The following MALRD1 variants were observed in gnomAD, a reference collection of about 807,000 sequenced individuals.
MALRD1 encodes the protein MAM and LDL receptor class A domain containing 1, also known as MAM and LDL-receptor class A domain-containing protein 1.
Under a neutral mutation model 242.1 loss-of-function variants are expected in MALRD1, and 247 were observed. The observed-to-expected ratio is 1.02, with a 90% CI of 0.92 to 1.13. The LOEUF is 1.13. MALRD1 is among the 50% of genes most tolerant of loss of function. The probability of loss-of-function intolerance (pLI) is 0.00; values close to 1 mark genes in which losing one functional copy is unlikely to be tolerated. For synonymous variants in MALRD1, 995 were observed against 866.6 expected (o/e 1.15, Z -2.60); for missense variants, 2,989 against 2,533.1 (o/e 1.18, Z -3.86).
intron 24 of MALRD1, among the ~76,000 whole-genome samples, chr10:19,335,885 A>G (rs1182219987): frequency 2.0e-5 from 3 of 152,188 alleles, no homozygotes; most frequent in African/African-American, 4.8e-5. Flanking sequence ...TACACGTGCC[A>G]TGGTGGTTTG....
At chr10:19,551,073 G>A (rs2131405939) in intron 32 of MALRD1, among the ~76,000 whole-genome samples, 1 of 152,124 alleles carries the variant, frequency 6.6e-6, no homozygotes, top group Middle Eastern at 3.4e-3. Context: ...CACTGATTGA[G>A]CTTCTTTTTC....
At chr10:19,652,760 A>G (rs1840955179) in intron 36 of MALRD1, among the ~76,000 whole-genome samples, 1 of 152,184 alleles carries the variant, frequency 6.6e-6, no homozygotes, top group Non-Finnish European at 1.5e-5. Context: ...AGGGTTAGAG[A>G]TTGTTCCCAT....
intron 19 of MALRD1, among the ~76,000 whole-genome samples, chr10:19,277,017 T>G (rs1840563169): frequency 6.6e-6 from 1 of 152,112 alleles, no homozygotes; most frequent in African/African-American, 2.4e-5. Context: ...CCTCCCCAAC[T>G]CAAGTGATTT....
chr10:19,717,585 G>A (rs80091211), intron 38 of MALRD1, among the ~76,000 whole-genome samples: 2,603 of 152,266 alleles, frequency 0.017, 85 homozygotes, highest in African/African-American at 0.06. Context: ...TTTTACCCAT[G>A]TGTTTTATTA....
intron 20 of MALRD1, among the ~76,000 whole-genome samples, chr10:19,280,641 A>G (rs1840757776): frequency 6.6e-6 from 1 of 152,226 alleles, no homozygotes; most frequent in African/African-American, 2.4e-5. Flanking sequence ...CATTAGTACT[A>G]TTAAAATATG....
chr10:19,446,503 A>G (rs1435102875), intron 28 of MALRD1, among the ~76,000 whole-genome samples: 1 of 152,234 alleles, frequency 6.6e-6, no homozygotes, highest in Non-Finnish European at 1.5e-5. Flanking sequence ...TATGAAATGG[A>G]ACTTCCAAGG....
At chr10:19,133,828 G>T in intron 8 of MALRD1, 28 bp from the exon 9 acceptor site, 1 of 1,037,808 alleles carries the variant, frequency 9.6e-7, no homozygotes, top group South Asian at 4.9e-5. Context: ...TACGGGTAAT[G>T]AGTGATGTCT....
chr10:19,380,680 T>C (rs1267931832), intron 26 of MALRD1, among the ~76,000 whole-genome samples: 3 of 152,160 alleles, frequency 2.0e-5, no homozygotes, highest in African/African-American at 7.2e-5. Context: ...TTGAACATTA[T>C]ATAGAATTTA....
At chr10:19,473,942 G>A (rs1328290558) in intron 29 of MALRD1, among the ~76,000 whole-genome samples, 2 of 152,072 alleles carry the variant, frequency 1.3e-5, no homozygotes, top group Non-Finnish European at 2.9e-5. Flanking sequence ...CCCACCAAAA[G>A]TACACGAGGG....
intron 31 of MALRD1, among the ~76,000 whole-genome samples, chr10:19,518,918 T>A (rs1833757545): frequency 6.6e-6 from 1 of 152,196 alleles, no homozygotes; most frequent in African/African-American, 2.4e-5. Flanking sequence ...TTGCTTTAGA[T>A]GTTTTGCTTT....
rs183717915 is a variant in MALRD1 at position 19,572,782 on chromosome 10, G to C, written c.5680+5079G>C. 7.7e-3 allele frequency among the ~76,000 whole-genome samples: 1,168 copies of C among 152,182 alleles called. 10 individuals carry two copies. Among genetic ancestry groups the C allele is most frequent in the Non-Finnish European group, 9.0e-3 (612 of 68,002 alleles). On this transcript the variant is annotated intron_variant, in intron 33 of 39. Coordinates refer to ENST00000454679, the MANE Select transcript of MALRD1 (RefSeq NM_001142308.3). ...ACACAGAGAGTACCATGTAATGAAG[G>C]GGGCAGAGATTGGAGTAACTCATCT...
intron 26 of MALRD1, among the ~76,000 whole-genome samples, chr10:19,364,553 T>TA (rs1409659224): frequency 2.1e-4 from 32 of 152,138 alleles, no homozygotes; most frequent in African/African-American, 7.5e-4. Flanking sequence ...GTTATCAAGC[T>TA]AAAACTAAAC....
intron 32 of MALRD1, among the ~76,000 whole-genome samples, chr10:19,535,115 A>T (rs1237629310): frequency 6.6e-6 from 1 of 151,998 alleles, no homozygotes; most frequent in Non-Finnish European, 1.5e-5. Context: ...TAATCTCCTG[A>T]CCTAGTGATT....
intron 33 of MALRD1, 49 bp from the exon 34 acceptor site, chr10:19,595,145 G>A: frequency 6.6e-7 from 1 of 1,505,344 alleles, no homozygotes; most frequent in African/African-American, 1.4e-5. Flanking sequence ...ACACTGGATG[G>A]AGGGAAACTC....
chr10:19,192,395 G>T (rs1045725268), intron 14 of MALRD1, among the ~76,000 whole-genome samples: 6 of 152,156 alleles, frequency 3.9e-5, no homozygotes, highest in African/African-American at 7.2e-5. Flanking sequence ...AAGCAAATAA[G>T]AAGAGGGCTT....
intron 14 of MALRD1, among the ~76,000 whole-genome samples, chr10:19,177,504 A>G (rs12573164): frequency 0.3 from 45,721 of 151,876 alleles, 7,205 homozygotes; most frequent in Admixed American, 0.37. Flanking sequence ...CCCATCATAA[A>G]GGTCACAGCT....
At chr10:19,504,228 C>T (rs545587152) in intron 31 of MALRD1, among the ~76,000 whole-genome samples, 31 of 152,194 alleles carry the variant, frequency 2.0e-4, no homozygotes, top group African/African-American at 6.0e-4. Flanking sequence ...TTTCTCAACC[C>T]GTAAAATGAG....
At chr10:19,396,293 C>A (rs1046348344) in intron 28 of MALRD1, among the ~76,000 whole-genome samples, 1 of 151,844 alleles carries the variant, frequency 6.6e-6, no homozygotes, top group Non-Finnish European at 1.5e-5. Context: ...CACGCCACCA[C>A]GCCTGGCTAA....
intron 32 of MALRD1, among the ~76,000 whole-genome samples, chr10:19,562,494 T>C (rs747422700): frequency 9.2e-5 from 14 of 152,146 alleles, no homozygotes; most frequent in Non-Finnish European, 1.8e-4. Context: ...CCTCCAGCAG[T>C]TGATCAATTA....
Sources: allele counts gnomAD v4.1 joint callset (sites outside exome capture counted in the v4.1 genomes callset), GRCh38; gene constraint gnomAD v4.1.1; transcripts MANE v1.5; gene names NCBI Gene and HGNC (gene_info 2026-07-23, HGNC 2026-07-21).